SEM1: variants seen among roughly 807,000 people sequenced by gnomAD.
SEM1 encodes SEM1 26S proteasome subunit, also known as 26S proteasome complex subunit SEM1.
A neutral mutation model predicts 12.7 loss-of-function variants in SEM1; 3 were observed. The observed-to-expected ratio is 0.24, with a 90% CI of 0.11 to 0.61. The LOEUF (loss-of-function observed/expected upper bound fraction) is 0.61, where lower values mean the gene tolerates loss of function less well. Ranked by LOEUF, SEM1 falls within the 20% of genes least tolerant of loss-of-function variation. The pLI, the probability that SEM1 is intolerant of heterozygous loss-of-function variation, is 0.88. For missense variants in SEM1, 59 were observed against 81.3 expected (o/e 0.73, Z 1.06); for synonymous variants, 30 against 27.8 (o/e 1.08, Z -0.25).
downstream of SEM1, chr7:96,687,817 T>C (rs1315142206): frequency 6.6e-6 from 1 of 152,046 alleles, no homozygotes; most frequent in Non-Finnish European, 1.5e-5. Flanking sequence ...AAGTATCACT[T>C]ATCCATTCAA....
chr7:96,596,162 C>T (rs1806994201), intron 2 of SEM1, among the ~76,000 whole-genome samples: 1 of 152,184 alleles, frequency 6.6e-6, no homozygotes, highest in South Asian at 2.1e-4. Flanking sequence ...TGTTAGGGAA[C>T]AACTTGCTTG....
At chr7:96,650,598 C>T (rs1181782701) in intron 2 of SEM1, 2 of 682,698 alleles carry the variant, frequency 2.9e-6, no homozygotes, top group East Asian at 5.4e-5. Context: ...CACTGTAGGT[C>T]CCTAAAAGAC....
At chr7:96,568,375 T>C (rs1008804189) in intron 2 of SEM1, among the ~76,000 whole-genome samples, 4 of 151,880 alleles carry the variant, frequency 2.6e-5, no homozygotes, top group African/African-American at 4.8e-5. Context: ...TAAAAACTTA[T>C]GTTAATGGTT....
intron 1 of SEM1, among the ~76,000 whole-genome samples, chr7:96,493,776 G>A (rs1037436526): frequency 2.6e-5 from 4 of 151,940 alleles, no homozygotes; most frequent in Admixed American, 6.6e-5. Flanking sequence ...TACTCCAAGG[G>A]CTCTCTTCAA....
upstream of SEM1, among the ~76,000 whole-genome samples, chr7:96,501,022 T>TGTCAGTTGACCTTTACATATTACTGTA (rs377068959): frequency 9.0e-3 from 1,373 of 152,308 alleles, 17 homozygotes; most frequent in African/African-American, 0.031. Context: ...AAGATGTTAC[T>TGTCAGTTGACCTTTACATATTACTGTA]GCCTAAAGAC....
intron 2 of SEM1, among the ~76,000 whole-genome samples, chr7:96,631,013 A>G (rs570177036): frequency 1.3e-5 from 2 of 152,278 alleles, no homozygotes; most frequent in Admixed American, 6.5e-5. Flanking sequence ...AAGATGCAAA[A>G]CAAAGTTTTC....
intron 2 of SEM1, among the ~76,000 whole-genome samples, chr7:96,692,408 A>G (rs970772275): frequency 6.6e-6 from 1 of 152,196 alleles, no homozygotes; most frequent in Admixed American, 6.5e-5. Context: ...ACACGTGATT[A>G]AAAACACAGA....
intron 2 of SEM1, among the ~76,000 whole-genome samples, chr7:96,535,713 C>T (rs764566623): frequency 3.3e-4 from 50 of 151,718 alleles, no homozygotes; most frequent in Non-Finnish European, 6.5e-4. Context: ...ATGTGGTATT[C>T]GGTTTTCTGT....
intron 2 of SEM1, among the ~76,000 whole-genome samples, chr7:96,681,289 A>G (rs1241843845): frequency 1.3e-5 from 2 of 152,128 alleles, no homozygotes; most frequent in Non-Finnish European, 2.9e-5. Context: ...GACATGATCT[A>G]AATTTCAACA....
chr7:96,563,451 A>G (rs1805753719), intron 2 of SEM1, among the ~76,000 whole-genome samples: 1 of 152,166 alleles, frequency 6.6e-6, no homozygotes, highest in Non-Finnish European at 1.5e-5. Flanking sequence ...TAAAGCTAAC[A>G]ATCATAAATA....
At chr7:96,701,684 T>A (rs1380095169) in intron 1 of SEM1, among the ~76,000 whole-genome samples, 1 of 152,030 alleles carries the variant, frequency 6.6e-6, no homozygotes, top group South Asian at 2.1e-4. Flanking sequence ...GAGAAAAACA[T>A]AATGGTTAAT....
intron 2 of SEM1, among the ~76,000 whole-genome samples, chr7:96,548,342 T>TC (rs1028030942): frequency 5.3e-5 from 8 of 152,070 alleles, no homozygotes; most frequent in African/African-American, 1.4e-4. Context: ...CAAGCATAAT[T>TC]CCCTATTAAT....
At chr7:96,632,784 G>GTT (rs11296451) in intron 2 of SEM1, among the ~76,000 whole-genome samples, 4 of 110,184 alleles carry the variant, frequency 3.6e-5, no homozygotes, top group African/African-American at 9.4e-5. Flanking sequence ...GTTGTTTTTT[G>GTT]TTTTTTTTTT....
At chr7:96,601,713 GATTTAAC>G (rs1807206556) in intron 2 of SEM1, among the ~76,000 whole-genome samples, 1 of 152,122 alleles carries the variant, frequency 6.6e-6, no homozygotes, top group African/African-American at 2.4e-5. Flanking sequence ...CAGATGACCT[GATTTAAC>G]TTATATTTAA....
intron 2 of SEM1, among the ~76,000 whole-genome samples, chr7:96,624,569 A>G (rs1226005674): frequency 6.6e-6 from 1 of 152,196 alleles, no homozygotes; most frequent in Non-Finnish European, 1.5e-5. Flanking sequence ...GACAATTGTT[A>G]TGAGAATGAA....
rs117320364 is a variant in SEM1, at chr7:96,667,374, C to G, written c.170+27424G>C. On this transcript the variant is annotated intron_variant, in intron 2 of 2. Coordinates refer to the SEM1 transcript ENST00000417009. ...CCCTGGGTAACCACAAGCAAGTTAG[C>G]TGCCCTTGTCTCAGTTTTTCTATCA... Among the ~76,000 whole-genome samples the G allele has an allele frequency of 8.5e-5, 13 of 152,318 alleles. No individual in the cohort carries two copies. In the East Asian group the frequency reaches 1.9e-3, roughly 23 times the overall value.
chr7:96,588,431 T>A, intron 2 of SEM1, among the ~76,000 whole-genome samples: 1 of 150,994 alleles, frequency 6.6e-6, no homozygotes. Context: ...GAAAGGTATA[T>A]CATTTTGGGA....
chr7:96,581,730 G>T (rs1806416283), intron 2 of SEM1, among the ~76,000 whole-genome samples: 2 of 152,148 alleles, frequency 1.3e-5, no homozygotes, highest in South Asian at 4.2e-4. Flanking sequence ...TCTCTTTGAA[G>T]CAACTGTGAA....
intron 2 of SEM1, among the ~76,000 whole-genome samples, chr7:96,564,770 TGA>T (rs1030459936): frequency 2.0e-5 from 3 of 152,044 alleles, no homozygotes; most frequent in African/African-American, 7.2e-5. Context: ...GCTCTGCTAT[TGA>T]GAGTTTTTAA....
Sources: allele counts gnomAD v4.1 joint callset (sites outside exome capture counted in the v4.1 genomes callset), GRCh38; gene constraint gnomAD v4.1.1; transcripts MANE v1.5; gene names NCBI Gene and HGNC (gene_info 2026-07-23, HGNC 2026-07-21).